PTPRT: variants seen among roughly 807,000 people sequenced by gnomAD.
The protein encoded by PTPRT is protein tyrosine phosphatase receptor type T, also known as receptor-type tyrosine-protein phosphatase T.
A neutral mutation model predicts 176.8 loss-of-function variants in PTPRT; 56 were observed. The observed-to-expected ratio is 0.32, with a 90% confidence interval of 0.26 to 0.40. PTPRT has a LOEUF of 0.40. PTPRT is among the 10% of genes least tolerant of loss of function. The probability of loss-of-function intolerance (pLI) is 1.00; values close to 1 mark genes in which losing one functional copy is unlikely to be tolerated. For synonymous variants in PTPRT, 783 were observed against 739.0 expected, an observed-to-expected ratio of 1.06 and a Z score of -0.96; for missense variants, 1,540 against 1,908.2, an observed-to-expected ratio of 0.81 and a Z score of 3.60.
intron 6 of PTPRT, among the ~76,000 whole-genome samples, chr20:42,739,528 C>T (rs1038366006): frequency 1.4e-4 from 22 of 151,866 alleles, no homozygotes; most frequent in African/African-American, 4.8e-4. Context: ...CAGAGGCTGG[C>T]GGACACTGAG....
chr20:42,101,706 A>C (rs1350240152), intron 26 of PTPRT, among the ~76,000 whole-genome samples: 1 of 152,182 alleles, frequency 6.6e-6, no homozygotes, highest in African/African-American at 2.4e-5. Context: ...TGGAACCTTC[A>C]TGGGAGCTAC....
At position 42,531,177 on chromosome 20, in the gene PTPRT, G is replaced by A. The variant is rs139483165; in HGVS notation, c.1154-58615C>T. Among the ~76,000 whole-genome samples the A allele has an allele frequency of 4.6e-3, 698 of 152,226 alleles. 4 individuals carry two copies. Among genetic ancestry groups the A allele is most frequent in the African/African-American group, 0.016 (666 of 41,542 alleles). ...AGTGCCAATGGTGGTTTTCTTCAGG[G>A]GTACTCTTTTTTATTATGGGCTGTG... On this transcript the variant is annotated intron_variant, in intron 7 of 30. Coordinates refer to ENST00000373187, the MANE Select transcript of PTPRT (RefSeq NM_007050.6).
chr20:42,394,436 TG>T (rs1324309980), intron 9 of PTPRT, among the ~76,000 whole-genome samples: 2 of 152,188 alleles, frequency 1.3e-5, no homozygotes, highest in Non-Finnish European at 2.9e-5. Context: ...TAGGAAGGGA[TG>T]TCCCCAGGTC....
chr20:42,786,392 C>T (rs1194849510), intron 3 of PTPRT, among the ~76,000 whole-genome samples: 1 of 152,204 alleles, frequency 6.6e-6, no homozygotes, highest in African/African-American at 2.4e-5. Flanking sequence ...CATTACACAA[C>T]TAGGAAGAAG....
chr20:42,087,613 C>G (rs990941204), intron 27 of PTPRT, among the ~76,000 whole-genome samples: 1 of 150,378 alleles, frequency 6.6e-6, no homozygotes, highest in South Asian at 2.1e-4. Context: ...CGGTGGCTTA[C>G]GCCTGTAATC....
intron 6 of PTPRT, among the ~76,000 whole-genome samples, chr20:42,696,699 C>T (rs1433500457): frequency 1.3e-5 from 2 of 152,124 alleles, no homozygotes; most frequent in African/African-American, 2.4e-5. Flanking sequence ...TCATGATCCA[C>T]CTGCTTTGGC....
chr20:42,784,569 T>A (rs1350195837), intron 3 of PTPRT, among the ~76,000 whole-genome samples: 2 of 152,000 alleles, frequency 1.3e-5, no homozygotes, highest in Non-Finnish European at 2.9e-5. Context: ...CCAAGAGTGG[T>A]AGAGTGGGCC....
At chr20:42,208,932 T>C (rs2055545312) in intron 15 of PTPRT, among the ~76,000 whole-genome samples, 2 of 152,150 alleles carry the variant, frequency 1.3e-5, no homozygotes, top group South Asian at 4.1e-4. Flanking sequence ...AACACAGAAA[T>C]TATAACAAAC....
intron 7 of PTPRT, among the ~76,000 whole-genome samples, chr20:42,608,126 C>G (rs1392097277): frequency 1.3e-5 from 2 of 152,180 alleles, no homozygotes; most frequent in African/African-American, 4.8e-5. Flanking sequence ...TGCATCCAGA[C>G]TCCAGGCTCC....
At chr20:42,669,307 A>C (rs531165965) in intron 7 of PTPRT, among the ~76,000 whole-genome samples, 1 of 152,250 alleles carries the variant, frequency 6.6e-6, no homozygotes, top group East Asian at 1.9e-4. Flanking sequence ...CATGCATGAA[A>C]GTCCCCTCCT....
At chr20:42,107,726 T>A (rs1845355288) in intron 23 of PTPRT, among the ~76,000 whole-genome samples, 1 of 152,236 alleles carries the variant, frequency 6.6e-6, no homozygotes, top group African/African-American at 2.4e-5. Context: ...CCGCTGCGTT[T>A]TCACATCTTG....
intron 1 of PTPRT, among the ~76,000 whole-genome samples, chr20:43,179,370 A>T (rs745946652): frequency 2.3e-4 from 35 of 152,212 alleles, no homozygotes; most frequent in Non-Finnish European, 4.7e-4. Context: ...ACCTCTGGAA[A>T]TGGGTTAGAA....
chr20:43,133,415 C>G (rs762913841), intron 1 of PTPRT, among the ~76,000 whole-genome samples: 68 of 152,156 alleles, frequency 4.5e-4, no homozygotes, highest in Non-Finnish European at 5.3e-4. Context: ...GCAATTCCTA[C>G]TGAAGTAATC....
intron 9 of PTPRT, among the ~76,000 whole-genome samples, chr20:42,438,116 C>T (rs897358618): frequency 1.3e-5 from 2 of 152,164 alleles, no homozygotes; most frequent in Non-Finnish European, 2.9e-5. Context: ...CTACAAAGGC[C>T]TCTGGGTGCA....
At chr20:42,243,713 G>A (rs1262812704) in intron 14 of PTPRT, among the ~76,000 whole-genome samples, 3 of 152,234 alleles carry the variant, frequency 2.0e-5, no homozygotes, top group Admixed American at 1.3e-4. Context: ...TGGACTGACA[G>A]AGTAGAAGGT....
chr20:42,309,984 G>A (rs1207647543), intron 12 of PTPRT, among the ~76,000 whole-genome samples: 4 of 152,116 alleles, frequency 2.6e-5, no homozygotes, highest in East Asian at 3.8e-4. Context: ...AGGTAATATG[G>A]TTGGACTCTT....
At chr20:42,289,522 A>G (rs988889591) in intron 12 of PTPRT, among the ~76,000 whole-genome samples, 3 of 152,126 alleles carry the variant, frequency 2.0e-5, no homozygotes, top group Admixed American at 6.6e-5. Context: ...GCCAACAAAC[A>G]TGAAAAAATG....
At chr20:42,059,196 C>T in the PTPRT span, among the ~76,000 whole-genome samples, 202 of 152,214 alleles carry the variant, frequency 1.3e-3, 1 homozygote, top group Non-Finnish European at 7.2e-4. Context: ...TGGCAGAGTC[C>T]GGGTCTCCTG....
intron 12 of PTPRT, among the ~76,000 whole-genome samples, chr20:42,309,174 C>G (rs1034695363): frequency 5.3e-5 from 8 of 152,222 alleles, no homozygotes; most frequent in African/African-American, 1.9e-4. Context: ...CATTGCCCAA[C>G]AAAAGGTGGC....
Sources: gnomAD v4.1 joint callset for allele counts (sites outside exome capture counted in the v4.1 genomes callset) on GRCh38, gnomAD v4.1.1 for gene constraint, MANE v1.5 for transcripts, NCBI Gene and HGNC (gene_info 2026-07-23, HGNC 2026-07-21) for gene names.